The following RNGTT variants were observed in gnomAD, a reference collection of about 807,000 sequenced individuals.
The protein encoded by RNGTT is RNA guanylyltransferase and 5'-phosphatase, also known as mRNA-capping enzyme.
A neutral mutation model predicts 79.3 loss-of-function variants in RNGTT; 33 were observed. The ratio of observed to expected loss-of-function variants is 0.42; its 90% confidence interval spans 0.32 to 0.56. The LOEUF (loss-of-function observed/expected upper bound fraction) is 0.56, where lower values mean the gene tolerates loss of function less well. Ranked by LOEUF, RNGTT falls within the 20% of genes least tolerant of loss-of-function variation. The pLI, the probability that RNGTT is intolerant of heterozygous loss-of-function variation, is 0.17. For synonymous variants in RNGTT, 222 were observed against 235.9 expected (o/e 0.94, Z 0.54); for missense variants, 497 against 739.1 (o/e 0.67, Z 3.80).
intron 2 of RNGTT, among the ~76,000 whole-genome samples, chr6:88,933,031 C>A (rs751437418): frequency 6.6e-6 from 1 of 152,098 alleles, no homozygotes. Flanking sequence ...AAAAGCCACC[C>A]TTTCTCCACT....
intron 13 of RNGTT, among the ~76,000 whole-genome samples, chr6:88,692,328 G>A (rs1485567317): frequency 6.6e-6 from 1 of 152,026 alleles, no homozygotes; most frequent in Non-Finnish European, 1.5e-5. Flanking sequence ...TCCACAAAGA[G>A]GCTGTACCCA....
intron 11 of RNGTT, among the ~76,000 whole-genome samples, chr6:88,818,300 G>A (rs919506351): frequency 6.6e-6 from 1 of 151,900 alleles, no homozygotes; most frequent in African/African-American, 2.4e-5. Context: ...AGTTTACTTT[G>A]GGCTGGGCGC....
chr6:88,614,986 G>A (rs1772166013), intron 14 of RNGTT, among the ~76,000 whole-genome samples: 1 of 152,188 alleles, frequency 6.6e-6, no homozygotes, highest in Non-Finnish European at 1.5e-5. Flanking sequence ...ATTTACAGAT[G>A]AAGCTATTTG....
At chr6:88,623,296 A>C (rs1772505875) in intron 14 of RNGTT, among the ~76,000 whole-genome samples, 1 of 152,124 alleles carries the variant, frequency 6.6e-6, no homozygotes, top group South Asian at 2.1e-4. Flanking sequence ...TCCCACATAG[A>C]TCTAACTCAT....
At chr6:88,890,834 G>A (rs1462653862) in intron 7 of RNGTT, among the ~76,000 whole-genome samples, 1 of 152,158 alleles carries the variant, frequency 6.6e-6, no homozygotes, top group Admixed American at 6.5e-5. Flanking sequence ...TATAATCACT[G>A]AGCTAATTTT....
At chr6:88,776,313 C>T (rs1288384498) in intron 12 of RNGTT, among the ~76,000 whole-genome samples, 1 of 148,084 alleles carries the variant, frequency 6.8e-6, no homozygotes, top group Non-Finnish European at 1.5e-5. Context: ...TTTCATACAC[C>T]TTTTGACCTT....
intron 12 of RNGTT, among the ~76,000 whole-genome samples, chr6:88,788,422 G>C (rs1312205434): frequency 2.6e-5 from 4 of 152,280 alleles, no homozygotes; most frequent in East Asian, 3.9e-4. Flanking sequence ...TCAAGAAAGA[G>C]TGAACAGAAT....
rs564083522 is a variant in RNGTT, at chr6:88,680,551, G to A, written c.1440-2132C>T. ...GAGGTCAGGAGTTTGAGACCAGCCT[G>A]ACCAACATGGAGAAACCCCGTCTCT... On this transcript the variant is annotated intron_variant, in intron 13 of 15. Coordinates refer to ENST00000369485, the MANE Select transcript of RNGTT (RefSeq NM_003800.5). Among the ~76,000 whole-genome samples, 3 of 152,058 alleles carry A rather than the reference G, an allele frequency of 2.0e-5. No homozygotes were observed. In the East Asian group the frequency reaches 5.8e-4, roughly 29 times the overall value.
intron 13 of RNGTT, among the ~76,000 whole-genome samples, chr6:88,742,500 GTTC>G (rs763842706): frequency 2.6e-5 from 4 of 152,144 alleles, no homozygotes; most frequent in South Asian, 2.1e-4. Context: ...TCAATAATCT[GTTC>G]TTCTTTCATC....
intron 1 of RNGTT, among the ~76,000 whole-genome samples, chr6:88,959,326 C>T (rs1785537538): frequency 6.6e-6 from 1 of 152,116 alleles, no homozygotes; most frequent in Non-Finnish European, 1.5e-5. Context: ...TAACCAAAAA[C>T]CACCTGTCCC....
chr6:88,874,670 T>A (rs571307935), intron 8 of RNGTT, among the ~76,000 whole-genome samples: 243 of 150,772 alleles, frequency 1.6e-3, no homozygotes, highest in Middle Eastern at 3.4e-3. Flanking sequence ...AAAAAAAAAA[T>A]ATGAAAATCC....
At chr6:88,840,492 G>A (rs1781243339) in intron 11 of RNGTT, among the ~76,000 whole-genome samples, 1 of 152,126 alleles carries the variant, frequency 6.6e-6, no homozygotes, top group Non-Finnish European at 1.5e-5. Flanking sequence ...AAACTCCCAG[G>A]CTCAAGCAAT....
At chr6:88,939,799 C>T (rs1395469392) in intron 2 of RNGTT, among the ~76,000 whole-genome samples, 2 of 151,288 alleles carry the variant, frequency 1.3e-5, no homozygotes, top group Admixed American at 6.6e-5. Context: ...CACACTATCG[C>T]CCAGGCTGCA....
At chr6:88,623,806 G>A (rs180789852) in intron 14 of RNGTT, among the ~76,000 whole-genome samples, 1 of 152,136 alleles carries the variant, frequency 6.6e-6, no homozygotes, top group African/African-American at 2.4e-5. Context: ...CAGACAACAT[G>A]ATTACTTACA....
At chr6:88,791,986 C>T (rs1298830655) in intron 12 of RNGTT, among the ~76,000 whole-genome samples, 1 of 152,032 alleles carries the variant, frequency 6.6e-6, no homozygotes. Context: ...AACGGTATTG[C>T]TTACCTTAAA....
chr6:88,746,210 A>C (rs781521450), intron 13 of RNGTT, among the ~76,000 whole-genome samples: 1 of 152,154 alleles, frequency 6.6e-6, no homozygotes, highest in South Asian at 2.1e-4. Flanking sequence ...CTGATTTTCC[A>C]ACATTTTCCA....
chr6:88,897,871 A>G (rs1025326490), intron 6 of RNGTT, among the ~76,000 whole-genome samples: 1 of 152,200 alleles, frequency 6.6e-6, no homozygotes, highest in Admixed American at 6.5e-5. Flanking sequence ...ATCAATAAAA[A>G]TCTTGAGCAG....
chr6:88,771,315 G>GTGTGTATATATATATATATA (rs1303688973), intron 12 of RNGTT, among the ~76,000 whole-genome samples: 4 of 62,072 alleles, frequency 6.4e-5, no homozygotes, highest in African/African-American at 2.6e-4. Flanking sequence ...GTGTGTGTGT[G>GTGTGTATATATATATATATA]TATATATATA....
chr6:88,726,672 CAG>C (rs1776918536), intron 13 of RNGTT, among the ~76,000 whole-genome samples: 1 of 152,094 alleles, frequency 6.6e-6, no homozygotes, highest in Admixed American at 6.5e-5. Context: ...CTTGTAGAAG[CAG>C]AGTTAGGAAA....
Sources: gnomAD v4.1 joint callset for allele counts (sites outside exome capture counted in the v4.1 genomes callset) on GRCh38, gnomAD v4.1.1 for gene constraint, MANE v1.5 for transcripts, NCBI Gene and HGNC (gene_info 2026-07-23, HGNC 2026-07-21) for gene names.